Variants in SLC39A10 observed in about 807,000 individuals in gnomAD.
SLC39A10 encodes the protein zinc transporter ZIP10.
SLC39A10 carries 13 observed loss-of-function variants against 65.1 expected under a neutral mutation model. That is an observed-to-expected ratio of 0.20 (90% CI 0.13 to 0.32). The LOEUF (loss-of-function observed/expected upper bound fraction) is 0.32, where lower values mean the gene tolerates loss of function less well. Ranked by LOEUF, SLC39A10 falls within the 10% of genes least tolerant of loss-of-function variation. The pLI is 1.00. For missense variants in SLC39A10, 831 were observed against 1,018.4 expected, an observed-to-expected ratio of 0.82 and a Z score of 2.50; for synonymous variants, 321 against 342.2, an observed-to-expected ratio of 0.94 and a Z score of 0.68.
intron 1 of SLC39A10, among the ~76,000 whole-genome samples, chr2:195,663,947 C>T (rs1689529146): frequency 6.6e-6 from 1 of 151,406 alleles, no homozygotes; most frequent in Admixed American, 6.6e-5. Context: ...CAGCCCTTTC[C>T]CTCCTCCTTC....
chr2:195,717,389 A>G (rs1691857763), intron 7 of SLC39A10: 1 of 165,664 alleles, frequency 6.0e-6, no homozygotes, highest in Non-Finnish European at 1.3e-5. Flanking sequence ...AAAAATTTAC[A>G]ACATTGAAAA....
chr2:195,664,670 AT>A (rs1309221881), intron 1 of SLC39A10, among the ~76,000 whole-genome samples: 1 of 152,156 alleles, frequency 6.6e-6, no homozygotes, highest in Non-Finnish European at 1.5e-5. Context: ...TTATTTAAAA[AT>A]TTATAATAAT....
At chr2:195,690,642 T>G (rs1366513399) in intron 3 of SLC39A10, among the ~76,000 whole-genome samples, 2 of 152,210 alleles carry the variant, frequency 1.3e-5, no homozygotes, top group African/African-American at 4.8e-5. Context: ...CATCTTTTCA[T>G]GTGCTTTTTG....
intron 3 of SLC39A10, among the ~76,000 whole-genome samples, chr2:195,691,835 T>G (rs1440620825): frequency 1.3e-5 from 2 of 152,258 alleles, no homozygotes; most frequent in African/African-American, 4.8e-5. Flanking sequence ...CTCTGCTGAT[T>G]ATTTTCTTTT....
rs746511003 is a variant in SLC39A10, at chr2:195,735,063, G to GA, written c.*23dup. On this transcript the variant is annotated 3_prime_UTR_variant, in exon 10 of 10. Transcript: ENST00000359634. ...TTGACCTTTCCCAGTAATCACTGTT[G>GA]ATTACGAGAATGTTACCATGCAGCT... is the stretch of plus-strand genomic sequence containing the variant. The GA allele has an allele frequency of 2.0e-5, 32 of 1,601,380 alleles. No homozygotes were observed. The highest frequency in any genetic ancestry group is 5.2e-5 in the Admixed American group (3 of 58,060).
chr2:195,699,969 C>T (rs754725336), intron 3 of SLC39A10, among the ~76,000 whole-genome samples: 7 of 151,892 alleles, frequency 4.6e-5, no homozygotes, highest in Non-Finnish European at 7.4e-5. Flanking sequence ...ATTGTTTTAT[C>T]GCTGTCCTTC....
chr2:195,672,910 G>A (rs961857501), intron 1 of SLC39A10, among the ~76,000 whole-genome samples: 1 of 152,148 alleles, frequency 6.6e-6, no homozygotes, highest in Non-Finnish European at 1.5e-5. Context: ...GTGTAACAGG[G>A]AGCTAAAGGA....
In SLC39A10 at chr2:195,736,216, T is replaced by G. The variant is rs62203617; in HGVS notation, c.*1175T>G. ...CACTTGATCATCTTGTGCCAAGATATGCTGTTGGTGCCTGATAGGGATTAG... is the reference window on the plus strand; with the variant it reads ...CACTTGATCATCTTGTGCCAAGATAGGCTGTTGGTGCCTGATAGGGATTAG... On this transcript the variant is annotated 3_prime_UTR_variant, in exon 10 of 10. Transcript: ENST00000359634. 3 of 153,658 alleles carry G rather than the reference T, an allele frequency of 2.0e-5. No homozygotes were observed. The highest frequency in any genetic ancestry group is 4.8e-5 in the African/African-American group (2 of 41,460). 9.5% of individuals were successfully genotyped at this position (153,658 alleles called of 1,614,324 possible). A position where few individuals can be genotyped will look rare whatever the true frequency, so the allele number is the denominator to read the frequency against.
intron 3 of SLC39A10, among the ~76,000 whole-genome samples, chr2:195,691,929 A>AAGT (rs1690755305): frequency 2.0e-5 from 3 of 152,134 alleles, no homozygotes; most frequent in Non-Finnish European, 4.4e-5. Context: ...TCTTGGCATG[A>AAGT]AGTCTTTGCC....
At chr2:195,721,572 GT>G (rs1487198274) in intron 8 of SLC39A10, among the ~76,000 whole-genome samples, 7 of 151,940 alleles carry the variant, frequency 4.6e-5, no homozygotes, top group African/African-American at 1.7e-4. Flanking sequence ...TTAAACTGTA[GT>G]TTTTTAATGC....
chr2:195,683,079 G>A (rs1255994476), intron 2 of SLC39A10, among the ~76,000 whole-genome samples: 1 of 150,974 alleles, frequency 6.6e-6, no homozygotes, highest in Non-Finnish European at 1.5e-5. Context: ...ATCCAAACTT[G>A]TTTGCTATTT....
intron 2 of SLC39A10, among the ~76,000 whole-genome samples, chr2:195,647,364 G>C (rs542750959): frequency 2.0e-5 from 3 of 151,490 alleles, no homozygotes; most frequent in Non-Finnish European, 2.9e-5. Flanking sequence ...ACTCATTCAG[G>C]CTCCTTAATG....
intron 8 of SLC39A10, among the ~76,000 whole-genome samples, chr2:195,721,348 C>T (rs1692031813): frequency 6.6e-6 from 1 of 152,154 alleles, no homozygotes; most frequent in Non-Finnish European, 1.5e-5. Context: ...TGCAATTCAC[C>T]AAATGTGTAG....
At chr2:195,670,595 T>C (rs1689820798) in intron 1 of SLC39A10, 1 of 152,220 alleles carries the variant, frequency 6.6e-6, no homozygotes, top group Non-Finnish European at 1.5e-5. Context: ...AGAAAATTGA[T>C]TTTCTATTAC....
At chr2:195,626,093 T>C (rs1358687493) in intron 2 of SLC39A10, among the ~76,000 whole-genome samples, 1 of 152,132 alleles carries the variant, frequency 6.6e-6, no homozygotes, top group Non-Finnish European at 1.5e-5. Flanking sequence ...CGGCCAAATT[T>C]TTACAAGCAA....
chr2:195,729,860 G>T (rs957400709), intron 9 of SLC39A10, among the ~76,000 whole-genome samples: 3 of 151,392 alleles, frequency 2.0e-5, no homozygotes, highest in Admixed American at 2.0e-4. Context: ...ATGCAATGGT[G>T]CAATCATAGC....
At chr2:195,690,624 C>G (rs923465101) in intron 3 of SLC39A10, among the ~76,000 whole-genome samples, 1 of 152,084 alleles carries the variant, frequency 6.6e-6, no homozygotes, top group East Asian at 1.9e-4. Context: ...AAGATTAGTG[C>G]TGTTGAGCAT....
chr2:195,681,079 C>T, intron 2 of SLC39A10, 29 bp downstream of exon 2: 2 of 1,564,564 alleles, frequency 1.3e-6, no homozygotes, highest in Non-Finnish European at 8.7e-7. Flanking sequence ...CCGATAGCTG[C>T]TTCGTAATTC....
intron 1 of SLC39A10, among the ~76,000 whole-genome samples, chr2:195,667,176 T>C (rs1172857273): frequency 6.6e-6 from 1 of 152,246 alleles, no homozygotes; most frequent in African/African-American, 2.4e-5. Context: ...CATGAATGAA[T>C]CTCAGTGGAA....
Sources: gnomAD v4.1 joint callset for allele counts (sites outside exome capture counted in the v4.1 genomes callset) on GRCh38, gnomAD v4.1.1 for gene constraint, MANE v1.5 for transcripts, NCBI Gene and HGNC (gene_info 2026-07-23, HGNC 2026-07-21) for gene names.